NALF1: variants seen among roughly 807,000 people sequenced by gnomAD.
NALF1 encodes the protein family with sequence similarity 155 member A.
In NALF1, 3 loss-of-function variants were observed where a neutral mutation model predicts 48.4. The ratio of observed to expected loss-of-function variants is 0.06; its 90% CI spans 0.03 to 0.16. The LOEUF is 0.16. NALF1 is among the 10% of genes least tolerant of loss of function. The pLI is 1.00. For synonymous variants in NALF1, 262 were observed against 245.7 expected, an observed-to-expected ratio of 1.07 and a Z score of -0.62; for missense variants, 526 against 571.5, an observed-to-expected ratio of 0.92 and a Z score of 0.81.
intron 2 of NALF1, among the ~76,000 whole-genome samples, chr13:107,202,121 G>A (rs1879534249): frequency 6.6e-6 from 1 of 151,764 alleles, no homozygotes; most frequent in Non-Finnish European, 1.5e-5. Flanking sequence ...TTTTCTTCTT[G>A]GAGAATTTAC....
At chr13:107,495,670 A>T (rs1378005633) in intron 1 of NALF1, among the ~76,000 whole-genome samples, 1 of 152,186 alleles carries the variant, frequency 6.6e-6, no homozygotes, top group East Asian at 1.9e-4. Flanking sequence ...CAAAACATAA[A>T]GCATCATTTT....
At chr13:107,525,419 C>G (rs1049087885) in intron 1 of NALF1, among the ~76,000 whole-genome samples, 4 of 152,082 alleles carry the variant, frequency 2.6e-5, no homozygotes, top group Admixed American at 6.6e-5. Context: ...CTTTGAGATT[C>G]ATCTATGTTG....
At chr13:107,737,257 G>A (rs762370563) in intron 1 of NALF1, among the ~76,000 whole-genome samples, 3 of 152,108 alleles carry the variant, frequency 2.0e-5, no homozygotes, top group Non-Finnish European at 4.4e-5. Context: ...GCAGTTGGTG[G>A]TGGTTCTTTC....
intron 1 of NALF1, among the ~76,000 whole-genome samples, chr13:107,582,739 T>C (rs9555378): frequency 0.24 from 36,985 of 152,086 alleles, 5,181 homozygotes; most frequent in East Asian, 0.38. Flanking sequence ...AAATGTGGAG[T>C]TCATATTTAA....
intron 1 of NALF1, among the ~76,000 whole-genome samples, chr13:107,550,913 A>T (rs1877274189): frequency 6.6e-6 from 1 of 151,548 alleles, no homozygotes; most frequent in Non-Finnish European, 1.5e-5. Flanking sequence ...AAAAAAAAAA[A>T]CTTATTGTTT....
intron 1 of NALF1, among the ~76,000 whole-genome samples, chr13:107,641,265 G>C (rs1880147866): frequency 1.3e-5 from 2 of 152,296 alleles, no homozygotes; most frequent in South Asian, 4.1e-4. Context: ...GGGTCAGATG[G>C]AGGAGGATGA....
At chr13:107,782,885 GTCTCCGCCCGGCAGCCGCCCCGTCCA>G (rs1877944637) in intron 1 of NALF1, among the ~76,000 whole-genome samples, 2 of 151,110 alleles carry the variant, frequency 1.3e-5, no homozygotes, top group Admixed American at 6.6e-5. Context: ...AGTGAGGAGC[GTCTCCGCCCGGCAGCCGCCCCGTCCA>G]GGAGGGAGGT....
At chr13:107,642,040 T>C (rs1165160386) in intron 1 of NALF1, among the ~76,000 whole-genome samples, 8 of 152,114 alleles carry the variant, frequency 5.3e-5, no homozygotes, top group African/African-American at 1.9e-4. Flanking sequence ...CCAGGTAAGG[T>C]CCTCAGACCA....
At chr13:107,174,240 C>A (rs901358010) in intron 2 of NALF1, among the ~76,000 whole-genome samples, 1 of 152,086 alleles carries the variant, frequency 6.6e-6, no homozygotes, top group Non-Finnish European at 1.5e-5. Context: ...GTTGTCTGCA[C>A]AAAATAACAA....
At chr13:107,813,608 C>T (rs1879064724) in intron 1 of NALF1, among the ~76,000 whole-genome samples, 9 of 151,448 alleles carry the variant, frequency 5.9e-5, no homozygotes. Context: ...TTACTGAATT[C>T]AACTGGCTGT....
intron 1 of NALF1, among the ~76,000 whole-genome samples, chr13:107,663,215 A>C (rs1880773045): frequency 6.6e-6 from 1 of 152,226 alleles, no homozygotes; most frequent in Admixed American, 6.5e-5. Context: ...ACTGTGTTTG[A>C]AGGTGGAGAT....
rs757223713 is a variant in NALF1, at chr13:107,711,020, A to G, written c.915+154662T>C. 2.0e-5 allele frequency among the ~76,000 whole-genome samples: 3 copies of G among 152,038 alleles called. No individual in the cohort carries two copies. In the South Asian group the frequency reaches 6.2e-4, roughly 32 times the overall value. ...GAATCTAGGTGTTAGCAATCATTTTATGAAAGACTGCTTCAAATAACATCG... is the reference window on the plus strand; with the variant it reads ...GAATCTAGGTGTTAGCAATCATTTTGTGAAAGACTGCTTCAAATAACATCG... On this transcript the variant is annotated intron_variant, in intron 1 of 2. Transcript: ENST00000375915.
chr13:107,740,715 A>G (rs2138543950), intron 1 of NALF1, among the ~76,000 whole-genome samples: 2 of 152,354 alleles, frequency 1.3e-5, no homozygotes, highest in South Asian at 4.1e-4. Context: ...TCATTTTATA[A>G]ATGGGCATCA....
chr13:107,796,832 T>C (rs770175739), intron 1 of NALF1, among the ~76,000 whole-genome samples: 3 of 152,164 alleles, frequency 2.0e-5, no homozygotes, highest in Non-Finnish European at 4.4e-5. Flanking sequence ...CCCCTCTAAT[T>C]ACAGAATGAA....
chr13:107,632,213 G>A (rs1233395953), intron 1 of NALF1, among the ~76,000 whole-genome samples: 1 of 152,034 alleles, frequency 6.6e-6, no homozygotes, highest in African/African-American at 2.4e-5. Context: ...ATCTATCTCT[G>A]TATCCATCTC....
At position 107,691,368 on chromosome 13, in the gene NALF1, C is replaced by T. The variant is rs72657205; in HGVS notation, c.915+174314G>A. Among the ~76,000 whole-genome samples the T allele has an allele frequency of 6.7e-3, 1,019 of 152,278 alleles. 2 individuals are homozygous for T. The highest frequency in any genetic ancestry group is 0.011 in the Non-Finnish European group (768 of 68,028). On this transcript the variant is annotated intron_variant, in intron 1 of 2. Transcript: ENST00000375915. Reference sequence around the variant, plus strand: ...TCAAGCTACTCAGTTTGTGACACTTCGCTACAGCAGCCCTAGGAAACTGAT... The same window carrying T: ...TCAAGCTACTCAGTTTGTGACACTTTGCTACAGCAGCCCTAGGAAACTGAT...
At chr13:107,207,305 G>GA (rs760227271) in intron 2 of NALF1, among the ~76,000 whole-genome samples, 134 of 151,478 alleles carry the variant, frequency 8.8e-4, no homozygotes, top group African/African-American at 2.9e-3. Context: ...TGTTTTCAGA[G>GA]AAAAAAAACA....
chr13:107,189,469 G>A (rs530154980), intron 2 of NALF1, among the ~76,000 whole-genome samples: 147 of 152,238 alleles, frequency 9.7e-4, no homozygotes, highest in African/African-American at 2.9e-3. Flanking sequence ...CTTAGTGATC[G>A]TTGGACTTTA....
At chr13:107,356,289 T>C (rs1044596866) in intron 1 of NALF1, among the ~76,000 whole-genome samples, 5 of 152,362 alleles carry the variant, frequency 3.3e-5, no homozygotes, top group African/African-American at 1.2e-4. Flanking sequence ...TCTGAATCTA[T>C]GTCAGATTTA....
Sources: gnomAD v4.1 joint callset for allele counts (sites outside exome capture counted in the v4.1 genomes callset) on GRCh38, gnomAD v4.1.1 for gene constraint, MANE v1.5 for transcripts, NCBI Gene and HGNC (gene_info 2026-07-23, HGNC 2026-07-21) for gene names.